The following ATF7IP variants were observed in gnomAD, a reference collection of about 807,000 sequenced individuals.
The protein encoded by ATF7IP is activating transcription factor 7 interacting protein, also known as activating transcription factor 7-interacting protein 1.
A neutral mutation model predicts 106.4 loss-of-function variants in ATF7IP; 23 were observed. The ratio of observed to expected loss-of-function variants is 0.22; its 90% confidence interval spans 0.16 to 0.31. The LOEUF (loss-of-function observed/expected upper bound fraction) is 0.31, where lower values mean the gene tolerates loss of function less well. Ranked by LOEUF, ATF7IP falls within the 10% of genes least tolerant of loss-of-function variation. ATF7IP has a pLI of 1.00. For missense variants in ATF7IP, 1,334 were observed against 1,524.3 expected (o/e 0.88, Z 2.08); for synonymous variants, 542 against 539.0 (o/e 1.01, Z -0.08).
In ATF7IP at chr12:14,457,229, A is replaced by G. The variant is rs113399244; in HGVS notation, c.2092A>G (p.Met698Val). The G allele has an allele frequency of 6.2e-7, 1 of 1,613,904 alleles. No individual in the cohort carries two copies. The highest frequency in any genetic ancestry group is 8.5e-7 in the Non-Finnish European group (1 of 1,179,888). ...SYRNAGTVRQ[M>V]LESKRNVSES... ...TAGAAATGCAGGCACAGTGAGACAG[A>G]TGCTGGAGTCCAAAAGAAATGTAAG... The change falls in exon 8 of 15, where the codon ATG (methionine) becomes GTG (valine). Residue 698 changes from methionine to valine, a missense_variant. Coordinates refer to ENST00000261168, the MANE Select transcript of ATF7IP (RefSeq NM_018179.5).
In ATF7IP at chr12:14,497,836, T is replaced by G; in HGVS notation, c.3576T>G (p.Thr1192=). Residue 1192 remains threonine (T), a synonymous_variant, in exon 15 of 15, where the codon ACT becomes ACG. Coordinates refer to ENST00000261168, the MANE Select transcript of ATF7IP (RefSeq NM_018179.5). ...TGGAGGTGGATCGAAGCTGTGCCAC[T>G]GTTGATAGCTACCATCTCTATGCTT... ...SVLEVDRSCA[T]VDSYHLYAYH... is the part of the protein sequence containing the mutation. 1 of 1,614,158 alleles carries G rather than the reference T, an allele frequency of 6.2e-7. No homozygotes were observed. Among genetic ancestry groups the G allele is most frequent in the South Asian group, 1.1e-5 (1 of 91,088 alleles).
intron 1 of ATF7IP, among the ~76,000 whole-genome samples, chr12:14,407,127 C>T (rs1940634806): frequency 6.6e-6 from 1 of 152,038 alleles, no homozygotes; most frequent in Non-Finnish European, 1.5e-5. Flanking sequence ...AGTGTTTAGG[C>T]TTTCGTAGTG....
chr12:14,490,353 G>C (rs1207079504), intron 13 of ATF7IP, among the ~76,000 whole-genome samples: 5 of 152,186 alleles, frequency 3.3e-5, no homozygotes, highest in African/African-American at 1.2e-4. Flanking sequence ...CATGCCCAGA[G>C]CTCTTCCCCA....
intron 13 of ATF7IP, among the ~76,000 whole-genome samples, chr12:14,486,627 A>G (rs1158545532): frequency 6.6e-6 from 1 of 152,148 alleles, no homozygotes; most frequent in Non-Finnish European, 1.5e-5. Context: ...TATCAGTTTC[A>G]TCTCTAGGAA....
intron 10 of ATF7IP, among the ~76,000 whole-genome samples, chr12:14,469,044 T>C (rs1346391319): frequency 6.6e-6 from 1 of 152,154 alleles, no homozygotes; most frequent in East Asian, 1.9e-4. Context: ...TTGTACTTGT[T>C]AACACTTTAA....
intron 5 of ATF7IP, 21 bp from the exon 6 acceptor site, chr12:14,446,967 T>A (rs1942992197): frequency 6.8e-7 from 1 of 1,470,834 alleles, no homozygotes; most frequent in African/African-American, 1.9e-5. Flanking sequence ...CATTCATTTT[T>A]GTCTTTTTTT....
At chr12:14,437,796 G>A (rs1399823401) in intron 4 of ATF7IP, among the ~76,000 whole-genome samples, 1 of 152,200 alleles carries the variant, frequency 6.6e-6, no homozygotes, top group African/African-American at 2.4e-5. Context: ...GCTCACGCCT[G>A]TAATCCCAGC....
chr12:14,415,791 C>T (rs921385089), intron 1 of ATF7IP, among the ~76,000 whole-genome samples: 2 of 150,558 alleles, frequency 1.3e-5, no homozygotes, highest in Non-Finnish European at 2.9e-5. Flanking sequence ...CATCTGTTTA[C>T]ATAGCCTTTA....
chr12:14,498,147 C>G lies in ATF7IP; in HGVS notation c.*74C>G. ...CTTGTTTTTAATCTTGTGCATGATA[C>G]CCCATGTAAAATCCACCTTGTGCAA... is the stretch of plus-strand genomic sequence containing the variant. On this transcript the variant is annotated 3_prime_UTR_variant, in exon 15 of 15. Transcript: ENST00000261168. The G allele has an allele frequency of 7.2e-7, 1 of 1,385,924 alleles. No individual in the cohort carries two copies. The highest frequency in any genetic ancestry group is 9.8e-7 in the Non-Finnish European group (1 of 1,023,148). The allele number at this position is 1,385,924 out of a possible 1,614,324, so 85.9% of individuals were successfully genotyped here.
chr12:14,436,843 A>T (rs997974668), intron 4 of ATF7IP, among the ~76,000 whole-genome samples: 1 of 150,770 alleles, frequency 6.6e-6, no homozygotes, highest in Admixed American at 6.6e-5. Context: ...TAACATTTTT[A>T]TTTATTTGCT....
chr12:14,481,373 A>G (rs1482188909), intron 13 of ATF7IP, 188 bp downstream of exon 13: 3 of 616,252 alleles, frequency 4.9e-6, no homozygotes, highest in South Asian at 2.1e-5. Context: ...TCAATGTAGT[A>G]TATTCTTGAA....
chr12:14,457,411 A>C (rs1943469921), intron 8 of ATF7IP, 116 bp downstream of exon 8: 1 of 749,510 alleles, frequency 1.3e-6, no homozygotes. Flanking sequence ...CATTGGTCTA[A>C]GTACAAAAAT....
intron 3 of ATF7IP, among the ~76,000 whole-genome samples, chr12:14,435,575 CATT>C (rs1942366339): frequency 6.6e-6 from 1 of 152,094 alleles, no homozygotes. Context: ...CTTTTAATGA[CATT>C]AATTTTATTT....
At chr12:14,408,296 GT>G (rs149551049) in intron 1 of ATF7IP, among the ~76,000 whole-genome samples, 2,720 of 152,172 alleles carry the variant, frequency 0.018, 86 homozygotes, top group African/African-American at 0.062. Flanking sequence ...AAAATAGAGT[GT>G]TTTTGCTGGA....
chr12:14,438,772 A>C (rs184089715), intron 5 of ATF7IP, among the ~76,000 whole-genome samples: 1 of 152,310 alleles, frequency 6.6e-6, no homozygotes, highest in Admixed American at 6.5e-5. Context: ...CCTTCTTTAC[A>C]AATAAGGTCA....
chr12:14,484,207 G>A (rs2136824870), intron 13 of ATF7IP, among the ~76,000 whole-genome samples: 1 of 152,248 alleles, frequency 6.6e-6, no homozygotes, highest in South Asian at 2.1e-4. Context: ...GCCTTGGTAA[G>A]TGGAAGTCCA....
At chr12:14,370,436 A>T (rs868732255) in intron 1 of ATF7IP, among the ~76,000 whole-genome samples, 2 of 152,158 alleles carry the variant, frequency 1.3e-5, no homozygotes, top group Admixed American at 6.5e-5. Context: ...ATAAAATCCA[A>T]TACCCACTCA....
chr12:14,444,207 G>A (rs931476624), intron 5 of ATF7IP, among the ~76,000 whole-genome samples: 1 of 152,152 alleles, frequency 6.6e-6, no homozygotes, highest in African/African-American at 2.4e-5. Flanking sequence ...AACTAAAAAT[G>A]TCTATTTTAC....
chr12:14,474,834 T>C (rs1020750780), intron 10 of ATF7IP, among the ~76,000 whole-genome samples: 2 of 152,238 alleles, frequency 1.3e-5, no homozygotes, highest in African/African-American at 4.8e-5. Context: ...ACCTTAATGA[T>C]AATATGTTGT....
Sources: allele counts gnomAD v4.1 joint callset (sites outside exome capture counted in the v4.1 genomes callset), GRCh38; gene constraint gnomAD v4.1.1; transcripts MANE v1.5; gene names NCBI Gene and HGNC (gene_info 2026-07-23, HGNC 2026-07-21).